CNTN5: variants seen among roughly 807,000 people sequenced by gnomAD.
CNTN5 encodes contactin 5.
Under a neutral mutation model 129.1 loss-of-function variants are expected in CNTN5, and 77 were observed. That is an observed-to-expected ratio of 0.60 (90% CI 0.50 to 0.72). CNTN5 has a LOEUF of 0.72. Among genes scored for constraint, CNTN5 ranks in the 30% least tolerant of loss-of-function variants. CNTN5 has a pLI of 0.00. For synonymous variants in CNTN5, 509 were observed against 465.6 expected (o/e 1.09, Z -1.20); for missense variants, 1,478 against 1,328.8 (o/e 1.11, Z -1.75).
At chr11:99,797,551 G>A (rs935294515) in intron 3 of CNTN5, among the ~76,000 whole-genome samples, 2 of 152,020 alleles carry the variant, frequency 1.3e-5, no homozygotes, top group African/African-American at 2.4e-5. Context: ...CATTTTTTCA[G>A]GCTTCTTGGC....
intron 13 of CNTN5, among the ~76,000 whole-genome samples, chr11:100,155,720 T>C (rs1947219510): frequency 6.6e-6 from 1 of 151,226 alleles, no homozygotes; most frequent in South Asian, 2.1e-4. Flanking sequence ...TAGTTCTCCT[T>C]GAGGTCCTTC....
chr11:99,259,548 A>G (rs1862534051), intron 1 of CNTN5, among the ~76,000 whole-genome samples: 1 of 151,870 alleles, frequency 6.6e-6, no homozygotes, highest in South Asian at 2.1e-4. Flanking sequence ...AGGTTTTTCA[A>G]CTGATAGGCA....
chr11:99,365,030 A>C (rs2136117288), intron 2 of CNTN5, among the ~76,000 whole-genome samples: 1 of 152,268 alleles, frequency 6.6e-6, no homozygotes, highest in South Asian at 2.1e-4. Context: ...ATGGAATAAA[A>C]AACCTAATTA....
At chr11:100,048,057 G>A (rs1454996860) in intron 9 of CNTN5, among the ~76,000 whole-genome samples, 3 of 152,112 alleles carry the variant, frequency 2.0e-5, no homozygotes, top group South Asian at 2.1e-4. Context: ...CATGAATCCC[G>A]AGGGCGGAGC....
chr11:99,793,680 C>A (rs1454713458), intron 3 of CNTN5, among the ~76,000 whole-genome samples: 1 of 151,970 alleles, frequency 6.6e-6, no homozygotes, highest in Non-Finnish European at 1.5e-5. Context: ...CATCATTTGC[C>A]CAGAAGTCGC....
At chr11:99,883,230 A>G (rs1017743439) in intron 6 of CNTN5, among the ~76,000 whole-genome samples, 2 of 152,160 alleles carry the variant, frequency 1.3e-5, no homozygotes, top group African/African-American at 4.8e-5. Context: ...GGTGTATACC[A>G]AGCAGTGGGA....
chr11:100,355,999 C>T, intron 24 of CNTN5, 118 bp from the exon 25 acceptor site: 1 of 669,920 alleles, frequency 1.5e-6, no homozygotes, highest in East Asian at 2.7e-5. Context: ...ATAAAGAACA[C>T]TCTCATCAGA....
At chr11:99,995,561 T>A in intron 8 of CNTN5, among the ~76,000 whole-genome samples, 1 of 152,146 alleles carries the variant, frequency 6.6e-6, no homozygotes, top group East Asian at 1.9e-4. Flanking sequence ...AAAGAATTTA[T>A]CTTACTCTAT....
chr11:100,132,450 T>C lies in CNTN5; in HGVS notation c.1580+58156T>C, dbSNP rs376108912. On this transcript the variant is annotated intron_variant, in intron 13 of 24. Transcript: ENST00000524871. ...GCAGTAGGAGTAGTAACTGTAGTAA[T>C]AGTTGAGGAAGTAAAGTCAACTGCT... 1.1e-4 allele frequency among the ~76,000 whole-genome samples: 16 copies of C among 152,216 alleles called. 1 individual carries two copies. The East Asian group carries it at 1.4e-3, about 13-fold the overall frequency.
intron 21 of CNTN5, among the ~76,000 whole-genome samples, chr11:100,315,772 C>T (rs1437846971): frequency 6.6e-6 from 1 of 152,126 alleles, no homozygotes; most frequent in Non-Finnish European, 1.5e-5. Flanking sequence ...TTGTCAACAT[C>T]CGCTTAGAAC....
At chr11:99,371,088 C>T (rs117535270) in intron 2 of CNTN5, among the ~76,000 whole-genome samples, 3 of 152,168 alleles carry the variant, frequency 2.0e-5, no homozygotes, top group Non-Finnish European at 4.4e-5. Context: ...TCTATTTTTG[C>T]TCATTTGTTT....
At chr11:100,299,945 T>C (rs537349610) in intron 20 of CNTN5, among the ~76,000 whole-genome samples, 2 of 151,566 alleles carry the variant, frequency 1.3e-5, no homozygotes, top group South Asian at 2.1e-4. Flanking sequence ...GAAAGAGAAA[T>C]TGACTTTCGG....
At chr11:99,789,399 GTT>G (rs1219975642) in intron 3 of CNTN5, among the ~76,000 whole-genome samples, 2 of 151,852 alleles carry the variant, frequency 1.3e-5, no homozygotes, top group African/African-American at 4.8e-5. Flanking sequence ...AGGAAAATAA[GTT>G]TTAAGAAATC....
chr11:99,392,120 TAA>T (rs1941292410), intron 2 of CNTN5, among the ~76,000 whole-genome samples: 1 of 151,840 alleles, frequency 6.6e-6, no homozygotes, highest in African/African-American at 2.4e-5. Context: ...TTATAAAATT[TAA>T]AAAGATATTT....
intron 16 of CNTN5, among the ~76,000 whole-genome samples, chr11:100,237,403 A>G (rs1040094477): frequency 3.7e-4 from 56 of 152,160 alleles, no homozygotes; most frequent in African/African-American, 1.3e-3. Context: ...GTGTAACACT[A>G]CATACGATGT....
chr11:100,284,175 C>T (rs1050605960), intron 18 of CNTN5, among the ~76,000 whole-genome samples: 14 of 152,102 alleles, frequency 9.2e-5, no homozygotes, highest in Admixed American at 6.5e-4. Context: ...ACTGTTTTTC[C>T]TACCTCTTCA....
intron 3 of CNTN5, among the ~76,000 whole-genome samples, chr11:99,808,413 G>A (rs1418472181): frequency 6.6e-6 from 1 of 152,134 alleles, no homozygotes; most frequent in Admixed American, 6.6e-5. Context: ...TATTTAATCT[G>A]TTAAATGAAA....
chr11:99,653,860 T>A (rs1167564184), intron 3 of CNTN5, among the ~76,000 whole-genome samples: 3 of 152,048 alleles, frequency 2.0e-5, no homozygotes, highest in African/African-American at 7.2e-5. Context: ...GAATTTTTTT[T>A]AATGATTTCT....
chr11:99,090,263 A>G (rs1433928490), intron 1 of CNTN5, among the ~76,000 whole-genome samples: 1 of 152,138 alleles, frequency 6.6e-6, no homozygotes. Context: ...TTTAAATGGG[A>G]TGTCTTATTA....
Sources: allele counts gnomAD v4.1 joint callset (sites outside exome capture counted in the v4.1 genomes callset), GRCh38; gene constraint gnomAD v4.1.1; transcripts MANE v1.5; gene names NCBI Gene and HGNC (gene_info 2026-07-23, HGNC 2026-07-21).